Variants in ARHGEF10 observed in about 807,000 individuals in gnomAD.
The protein encoded by ARHGEF10 is Rho guanine nucleotide exchange factor 10.
In ARHGEF10, 140 loss-of-function variants were observed where a neutral mutation model predicts 147.4. The observed-to-expected ratio is 0.95, with a 90% CI of 0.83 to 1.09. ARHGEF10 has a LOEUF of 1.09. Ranked by LOEUF, ARHGEF10 falls within the 50% of genes least tolerant of loss-of-function variation. The pLI, the probability that ARHGEF10 is intolerant of heterozygous loss-of-function variation, is 0.00. For missense variants in ARHGEF10, 2,222 were observed against 1,752.7 expected (o/e 1.27, Z -4.78); for synonymous variants, 902 against 695.8 (o/e 1.30, Z -4.67).
At position 1,945,630 on chromosome 8, in the gene ARHGEF10, C is replaced by T; in HGVS notation, c.3372C>T (p.Ala1124=). Residue 1124 remains alanine (A), a synonymous_variant, in exon 27 of 29, where the codon GCC becomes GCT. Coordinates refer to ENST00000349830, the MANE Select transcript of ARHGEF10 (RefSeq NM_014629.4). The stretch of plus-strand genomic sequence containing the variant: ...AGCACCTGCAGGACATCAACATCGC[C>T]ACCCCTGTTCACAACATGCTGCCAG... ...TLKHLQDINI[A]TPVHNMLPGH... 6.2e-7 allele frequency: 1 copy of T among 1,614,228 alleles called. No homozygotes were observed. The highest frequency in any genetic ancestry group is 1.1e-5 in the South Asian group (1 of 91,090).
At chr8:1,900,616 A>G (rs563355784) in intron 15 of ARHGEF10, among the ~76,000 whole-genome samples, 9 of 152,342 alleles carry the variant, frequency 5.9e-5, no homozygotes, top group Admixed American at 2.6e-4. Context: ...CGCCGTTTAC[A>G]AATCTGTTCT....
Position 1,908,647 on chromosome 8 carries a change from C to T in ARHGEF10, c.1968-648C>T, listed in dbSNP as rs559738513. ...TTTCCTGGGGCTGCGGGGATGCTGG[C>T]GATGTCACAGCCTTGGCCTTGGAGT... On this transcript the variant is annotated intron_variant, in intron 17 of 28. Coordinates refer to ENST00000349830, the MANE Select transcript of ARHGEF10 (RefSeq NM_014629.4). Among the ~76,000 whole-genome samples, 16 of 152,278 alleles carry T rather than the reference C, an allele frequency of 1.1e-4. No homozygotes were observed. The South Asian group carries it at 3.1e-3, about 30-fold the overall frequency.
chr8:1,931,782 G>A (rs1366348674), intron 25 of ARHGEF10, among the ~76,000 whole-genome samples: 7 of 94,000 alleles, frequency 7.4e-5, no homozygotes. Context: ...ATTAGCGTGT[G>A]CCTGGTTCCG....
intron 17 of ARHGEF10, among the ~76,000 whole-genome samples, chr8:1,908,424 G>T (rs543545513): frequency 5.9e-4 from 89 of 150,568 alleles, no homozygotes; most frequent in African/African-American, 2.2e-3. Flanking sequence ...AGTAGAGATG[G>T]GGTGTCACTG....
At chr8:1,857,749 A>G (rs1460800021) in intron 2 of ARHGEF10, among the ~76,000 whole-genome samples, 2 of 151,964 alleles carry the variant, frequency 1.3e-5, no homozygotes, top group African/African-American at 4.8e-5. Context: ...TGTAGATCCT[A>G]TTAAAAGAAA....
chr8:1,844,086 G>A (rs956598879), intron 2 of ARHGEF10, among the ~76,000 whole-genome samples: 3 of 152,322 alleles, frequency 2.0e-5, no homozygotes, highest in Admixed American at 1.3e-4. Flanking sequence ...GTCCTCCCGG[G>A]GCCTGCCGGA....
intron 20 of ARHGEF10, 71 bp downstream of exon 20, chr8:1,923,666 G>A (rs1188801562): frequency 1.1e-5 from 17 of 1,613,940 alleles, no homozygotes; most frequent in South Asian, 7.7e-5. Context: ...GTCATGACAT[G>A]TATGTTTTTT....
At chr8:1,926,327 G>C in intron 22 of ARHGEF10, 50 bp from the exon 23 acceptor site, 4 of 1,463,822 alleles carry the variant, frequency 2.7e-6, no homozygotes, top group Non-Finnish European at 3.8e-6. Context: ...TAGTCTAGGA[G>C]CCTCTTAGCT....
chr8:1,852,010 G>T (rs183525299), intron 2 of ARHGEF10, among the ~76,000 whole-genome samples: 1 of 152,092 alleles, frequency 6.6e-6, no homozygotes, highest in African/African-American at 2.4e-5. Context: ...GTGTGGGGAC[G>T]GCTCTCAGGC....
intron 5 of ARHGEF10, among the ~76,000 whole-genome samples, chr8:1,866,029 G>A (rs1328897534): frequency 2.0e-5 from 3 of 152,228 alleles, no homozygotes; most frequent in Non-Finnish European, 4.4e-5. Context: ...GTCCCTGTGT[G>A]TGTGGGACTC....
At chr8:1,941,405 G>A (rs984644182) in intron 26 of ARHGEF10, among the ~76,000 whole-genome samples, 1 of 152,116 alleles carries the variant, frequency 6.6e-6, no homozygotes, top group East Asian at 1.9e-4. Context: ...TAATCAAAAA[G>A]TGCAAGATTT....
At chr8:1,939,865 C>T (rs1272673156) in intron 26 of ARHGEF10, among the ~76,000 whole-genome samples, 1 of 152,216 alleles carries the variant, frequency 6.6e-6, no homozygotes, top group Non-Finnish European at 1.5e-5. Context: ...TGAAGGTAGC[C>T]AGCAGCCTTT....
chr8:1,894,149 G>C (rs573891663), intron 12 of ARHGEF10, among the ~76,000 whole-genome samples: 13 of 150,338 alleles, frequency 8.6e-5, no homozygotes, highest in Admixed American at 3.3e-4. Flanking sequence ...ACTCTAGCAC[G>C]GGTGACAGAC....
chr8:1,887,967 TGTGAGTGGGGTGAGAGTTGTGAAGAGACA>T (rs1469838055), intron 11 of ARHGEF10, among the ~76,000 whole-genome samples: 3 of 144,184 alleles, frequency 2.1e-5, no homozygotes, highest in Non-Finnish European at 4.5e-5. Context: ...GATGAGACAC[TGTGAGTGGGGTGAGAGTTGTGAAGAGACA>T]GTGAGTGGGG....
intron 11 of ARHGEF10, among the ~76,000 whole-genome samples, chr8:1,890,055 T>A (rs569417598): frequency 1.0e-4 from 14 of 138,360 alleles, no homozygotes; most frequent in Admixed American, 2.2e-4. Flanking sequence ...GGGTAAGGAG[T>A]CTGTGCGGAG....
chr8:1,889,594 G>C (rs1280917310), intron 11 of ARHGEF10, among the ~76,000 whole-genome samples: 1 of 110,434 alleles, frequency 9.1e-6, no homozygotes, highest in Non-Finnish European at 1.9e-5. Flanking sequence ...GGTTTGTGAG[G>C]AGACACTGAG....
chr8:1,912,567 T>C (rs959186522), intron 18 of ARHGEF10, among the ~76,000 whole-genome samples: 30 of 152,278 alleles, frequency 2.0e-4, no homozygotes, highest in African/African-American at 7.0e-4. Context: ...AGCAGGGAGC[T>C]CCCTGTCCCT....
intron 7 of ARHGEF10, 83 bp downstream of exon 7, chr8:1,869,333 C>T (rs766891102): frequency 1.7e-6 from 2 of 1,173,394 alleles, no homozygotes; most frequent in East Asian, 2.4e-5. Context: ...ATTTAGTGGA[C>T]GGCCCAGACG....
chr8:1,928,701 G>A lies in ARHGEF10; in HGVS notation c.2921+51G>A, dbSNP rs552676092. ...AGAATTAGCAAGCTCTGCCCATGGA[G>A]GGCGTGGTGGGGAGCCTGTCCTGGA... On this transcript the variant is annotated intron_variant, in intron 24 of 28. Transcript: ENST00000349830. The A allele has an allele frequency of 2.9e-5, 46 of 1,590,974 alleles. 1 individual carries two copies. In the South Asian group the frequency reaches 4.6e-4, roughly 16 times the overall value.
Sources: allele counts gnomAD v4.1 joint callset (sites outside exome capture counted in the v4.1 genomes callset), GRCh38; gene constraint gnomAD v4.1.1; transcripts MANE v1.5; gene names NCBI Gene and HGNC (gene_info 2026-07-23, HGNC 2026-07-21).